Variants in KIAA1549 observed in about 807,000 individuals in gnomAD.
KIAA1549 encodes UPF0606 protein KIAA1549.
A neutral mutation model predicts 156.4 loss-of-function variants in KIAA1549; 70 were observed. The ratio of observed to expected loss-of-function variants is 0.45; its 90% CI spans 0.37 to 0.55. The LOEUF (loss-of-function observed/expected upper bound fraction) is 0.55, where lower values mean the gene tolerates loss of function less well. KIAA1549 is among the 20% of genes least tolerant of loss of function. KIAA1549 has a pLI of 0.00. For synonymous variants in KIAA1549, 1,103 were observed against 1,066.4 expected (o/e 1.03, Z -0.67); for missense variants, 2,428 against 2,540.9 (o/e 0.96, Z 0.96).
intron 1 of KIAA1549, among the ~76,000 whole-genome samples, chr7:138,957,850 T>C (rs1421460392): frequency 1.3e-5 from 2 of 152,154 alleles, no homozygotes; most frequent in African/African-American, 4.8e-5. Flanking sequence ...TCATCTCTAC[T>C]GTCCCTTATT....
chr7:138,904,966 C>T (rs1811965524), intron 7 of KIAA1549, 56 bp downstream of exon 7: 1 of 1,068,870 alleles, frequency 9.4e-7, no homozygotes, highest in Non-Finnish European at 1.4e-6. Context: ...TCTCAATACG[C>T]CTGCATAGAC....
intron 2 of KIAA1549, among the ~76,000 whole-genome samples, chr7:138,915,575 C>A (rs578117789): frequency 6.6e-6 from 1 of 152,032 alleles, no homozygotes; most frequent in Admixed American, 6.5e-5. Context: ...GGCACTGTCA[C>A]AGTGAGCAGA....
Position 138,837,136 on chromosome 7 carries a change from G to A in KIAA1549, c.*770C>T. ...AGATCTAAACTTTGATCTGTATTTT[G>A]GATAATCAAATAAATATAAAGCTTT... On this transcript the variant is annotated 3_prime_UTR_variant, in exon 20 of 20. Coordinates refer to ENST00000422774, the MANE Select transcript of KIAA1549 (RefSeq NM_001164665.2). 4.4e-6 allele frequency: 1 copy of A among 226,196 alleles called. No individual in the cohort carries two copies. The highest frequency in any genetic ancestry group is 6.4e-5 in the East Asian group (1 of 15,610). 14.0% of individuals were successfully genotyped at this position (226,196 alleles called of 1,614,324 possible).
chr7:138,933,267 G>T (rs988436249), intron 1 of KIAA1549, among the ~76,000 whole-genome samples: 1 of 152,180 alleles, frequency 6.6e-6, no homozygotes, highest in African/African-American at 2.4e-5. Context: ...CCGAGGAGCT[G>T]GTTAAAGACG....
At chr7:138,963,977 G>A (rs1813934534) in intron 1 of KIAA1549, among the ~76,000 whole-genome samples, 1 of 152,196 alleles carries the variant, frequency 6.6e-6, no homozygotes, top group African/African-American at 2.4e-5. Context: ...GGAGAAAATG[G>A]AATATGGCTC....
At chr7:138,866,764 A>G (rs1364795430) in intron 15 of KIAA1549, among the ~76,000 whole-genome samples, 1 of 152,226 alleles carries the variant, frequency 6.6e-6, no homozygotes, top group African/African-American at 2.4e-5. Context: ...CACTTCAAGC[A>G]AATCTGTCTG....
intron 15 of KIAA1549, among the ~76,000 whole-genome samples, chr7:138,862,610 AG>A (rs1300563799): frequency 2.6e-5 from 4 of 152,166 alleles, no homozygotes; most frequent in Non-Finnish European, 5.9e-5. Flanking sequence ...TTTAAAATGA[AG>A]GTATCTCTGG....
chr7:138,878,254 C>T (rs1019716466), intron 12 of KIAA1549, among the ~76,000 whole-genome samples: 2 of 151,600 alleles, frequency 1.3e-5, no homozygotes, highest in African/African-American at 2.4e-5. Flanking sequence ...AGGCCACAAG[C>T]GTGTCAGTGA....
In KIAA1549 at chr7:138,839,778, C is replaced by CTTTTT. The variant is rs763327649; in HGVS notation, c.5598+350_5598+354dup. Among the ~76,000 whole-genome samples, 189 of 61,364 alleles carry CTTTTT rather than the reference C, an allele frequency of 3.1e-3. 29 individuals are homozygous for CTTTTT. The highest frequency in any genetic ancestry group is 4.9e-3 in the East Asian group (8 of 1,626). The allele number at this position is 61,364 out of a possible 152,430, so 40.3% of individuals were successfully genotyped here. ...AAGCTGCTAAATTGAGGGATTATGT[C>CTTTTT]TTTTTTTTTTTTTTTTTTTTTTTTT... On this transcript the variant is annotated intron_variant, in intron 19 of 19. Transcript: ENST00000422774.
chr7:138,854,281 T>C (rs991096217), intron 16 of KIAA1549, among the ~76,000 whole-genome samples: 1 of 152,166 alleles, frequency 6.6e-6, no homozygotes, highest in South Asian at 2.1e-4. Flanking sequence ...GAGTCTGGGA[T>C]AGGCCCGAGG....
rs1554421590 is a variant in KIAA1549 at position 138,918,265 on chromosome 7, G to T, written c.1361C>A (p.Thr454Asn). The T allele has an allele frequency of 6.2e-7, 1 of 1,613,870 alleles. No homozygotes were observed. The highest frequency in any genetic ancestry group is 8.5e-7 in the Non-Finnish European group (1 of 1,179,908). Residue 454 changes from threonine (T) to asparagine (N), a missense_variant, in exon 2 of 20, where the codon ACC (threonine) becomes AAC (asparagine). Physicochemically the swap from Thr to Asn is moderately conservative, Grantham distance 65. Transcript: ENST00000422774. This position sits in a 1 kb window ranked among gnomAD's most constrained non-coding sequence, Gnocchi z 4.2. ...AGAGATGCTGCTTTCTTCCAGCACG[G>T]TCATGCACAGAGTCTCGGCACCATC... The part of the protein sequence containing the change: ...SGDGAETLCM[T>N]VLEESSISLM...
At chr7:138,908,121 T>G (rs1303481599) in intron 5 of KIAA1549, among the ~76,000 whole-genome samples, 2 of 152,088 alleles carry the variant, frequency 1.3e-5, no homozygotes. Flanking sequence ...GCTACTAAAA[T>G]GAACAACTTG....
chr7:138,875,714 A>C (rs1280622988), intron 12 of KIAA1549, among the ~76,000 whole-genome samples: 3 of 152,252 alleles, frequency 2.0e-5, no homozygotes, highest in Non-Finnish European at 2.9e-5. Context: ...AGAATAGTTC[A>C]GCCTGAATTA....
intron 1 of KIAA1549, among the ~76,000 whole-genome samples, chr7:138,941,077 A>T (rs892548391): frequency 3.0e-4 from 45 of 151,844 alleles, no homozygotes; most frequent in Middle Eastern, 6.8e-3. Context: ...AAATTTTATT[A>T]AAAAAAATTA....
intron 15 of KIAA1549, among the ~76,000 whole-genome samples, chr7:138,861,690 TAAAAAAAAAAA>T (rs1195358738): frequency 1.1e-5 from 1 of 90,270 alleles, no homozygotes; most frequent in African/African-American, 4.1e-5. Flanking sequence ...CCCCCATCTC[TAAAAAAAAAAA>T]AAAAGAAAAA....
chr7:138,951,011 C>A (rs910126396), intron 1 of KIAA1549, among the ~76,000 whole-genome samples: 2 of 152,132 alleles, frequency 1.3e-5, no homozygotes, highest in African/African-American at 4.8e-5. Context: ...TCCCCAAGGT[C>A]AGGCCCGCCC....
In KIAA1549 at chr7:138,894,408, T is replaced by C. The variant is rs1262887211; in HGVS notation, c.3966A>G (p.Lys1322=). 3.1e-6 allele frequency: 5 copies of C among 1,613,886 alleles called. No homozygotes were observed. The highest frequency in any genetic ancestry group is 4.2e-6 in the Non-Finnish European group (5 of 1,179,896). Residue 1322 remains lysine, a synonymous_variant, in exon 10 of 20, where the codon AAA becomes AAG. Coordinates refer to ENST00000422774, the MANE Select transcript of KIAA1549 (RefSeq NM_001164665.2). ...AGTCTAGCTTGTCTGTGCGGCATAG[T>C]TTCCAGTAGAGGATGACAACAATCA... ...VMVIVVILYW[K]LCRTDKLDFQ... is the part of the protein sequence containing the mutation.
At chr7:138,866,887 C>G (rs759345084) in intron 15 of KIAA1549, among the ~76,000 whole-genome samples, 5 of 152,164 alleles carry the variant, frequency 3.3e-5, no homozygotes, top group Non-Finnish European at 7.3e-5. Context: ...ACTGCAGCCT[C>G]GACCTCCTGG....
chr7:138,892,696 T>C lies in KIAA1549; in HGVS notation c.4032+1646A>G, dbSNP rs541065049. Among the ~76,000 whole-genome samples, 4 of 152,358 alleles carry C rather than the reference T, an allele frequency of 2.6e-5. 1 individual carries two copies. In the South Asian group the frequency reaches 6.2e-4, roughly 24 times the overall value. Reference sequence around the variant, plus strand: ...CTTTGCATTTTTTTGTTAATTCATATGAAAAGACAAATACTCTTTCTTTGC... The same window carrying C: ...CTTTGCATTTTTTTGTTAATTCATACGAAAAGACAAATACTCTTTCTTTGC... On this transcript the variant is annotated intron_variant, in intron 10 of 19. Coordinates refer to ENST00000422774, the MANE Select transcript of KIAA1549 (RefSeq NM_001164665.2).
Sources: gnomAD v4.1 joint callset for allele counts (sites outside exome capture counted in the v4.1 genomes callset) on GRCh38, gnomAD v4.1.1 for gene constraint, Gnocchi (gnomAD v3.1) non-coding constraint, MANE v1.5 for transcripts, NCBI Gene and HGNC (gene_info 2026-07-23, HGNC 2026-07-21) for gene names.